SH3PXD2A: variants seen among roughly 807,000 people sequenced by gnomAD.
The protein encoded by SH3PXD2A is SH3 and PX domain-containing protein 2A.
A neutral mutation model predicts 115.2 loss-of-function variants in SH3PXD2A; 32 were observed. The observed-to-expected ratio is 0.28, with a 90% CI of 0.21 to 0.37. The LOEUF (loss-of-function observed/expected upper bound fraction) is 0.37, where lower values mean the gene tolerates loss of function less well. Among genes scored for constraint, SH3PXD2A ranks in the 10% least tolerant of loss-of-function variants. SH3PXD2A has a pLI of 1.00. For missense variants in SH3PXD2A, 1,328 were observed against 1,498.7 expected (o/e 0.89, Z 1.88); for synonymous variants, 610 against 629.1 (o/e 0.97, Z 0.45).
At chr10:103,605,985 G>T in intron 13 of SH3PXD2A, 68 bp from the exon 14 acceptor site, 1 of 1,576,004 alleles carries the variant, frequency 6.3e-7, no homozygotes, top group African/African-American at 1.3e-5. Context: ...CCAAGGGTTG[G>T]TCCCCACTCA....
At chr10:103,821,685 C>G (rs1377285833) in intron 1 of SH3PXD2A, among the ~76,000 whole-genome samples, 1 of 151,850 alleles carries the variant, frequency 6.6e-6, no homozygotes, top group Non-Finnish European at 1.5e-5. Context: ...CCCTGCCCCC[C>G]ACCACCAGTA....
At chr10:103,724,228 A>G (rs761808531) in intron 5 of SH3PXD2A, 42 bp downstream of exon 5, 3 of 1,177,554 alleles carry the variant, frequency 2.5e-6, no homozygotes, top group Non-Finnish European at 3.5e-6. Context: ...GCTTTAGCCC[A>G]CGCCTCCCCA....
At chr10:103,846,175 T>C (rs993246934) in intron 1 of SH3PXD2A, among the ~76,000 whole-genome samples, 2 of 152,194 alleles carry the variant, frequency 1.3e-5, no homozygotes, top group Non-Finnish European at 2.9e-5. Context: ...GGTGGCTTCC[T>C]CGCCAGCCAA....
At chr10:103,650,386 C>T (rs1032346837) in intron 8 of SH3PXD2A, among the ~76,000 whole-genome samples, 3 of 152,240 alleles carry the variant, frequency 2.0e-5, no homozygotes, top group Non-Finnish European at 4.4e-5. Context: ...CGCTATCCCT[C>T]AGCCCCTCAG....
intron 7 of SH3PXD2A, among the ~76,000 whole-genome samples, chr10:103,661,392 G>C (rs973847805): frequency 2.0e-5 from 3 of 152,256 alleles, no homozygotes; most frequent in African/African-American, 7.2e-5. Context: ...GAGAGGCAGA[G>C]CGGAGGCGGA....
chr10:103,778,858 C>T (rs993182096), intron 2 of SH3PXD2A, among the ~76,000 whole-genome samples: 2 of 152,208 alleles, frequency 1.3e-5, no homozygotes, highest in African/African-American at 2.4e-5. Context: ...GGCTGTTGAG[C>T]TTTGTCCCAA....
At chr10:103,663,201 C>A (rs1337532987) in intron 7 of SH3PXD2A, among the ~76,000 whole-genome samples, 1 of 152,214 alleles carries the variant, frequency 6.6e-6, no homozygotes, top group Non-Finnish European at 1.5e-5. Context: ...TCCACACAGC[C>A]CCCTTGGTGC....
At chr10:103,827,248 G>A (rs143304385) in intron 1 of SH3PXD2A, among the ~76,000 whole-genome samples, 9 of 152,250 alleles carry the variant, frequency 5.9e-5, no homozygotes, top group African/African-American at 2.2e-4. Flanking sequence ...ACTTCTGGGC[G>A]GGGCTGGTGG....
rs529343155 is a variant in SH3PXD2A, at chr10:103,839,352, T to A, written c.72+15843A>T. On this transcript the variant is annotated intron_variant, in intron 1 of 14. Coordinates refer to ENST00000369774, the MANE Select transcript of SH3PXD2A (RefSeq NM_001394015.1). ...ATTGTGTCAGCTCTGAACATGCACA[T>A]GCGAAGGATTCTTTCAGGGGATGCT... Among the ~76,000 whole-genome samples the A allele has an allele frequency of 6.6e-5, 10 of 152,294 alleles. No individual in the cohort carries two copies. The South Asian group carries it at 2.1e-3, about 32-fold the overall frequency.
At chr10:103,777,223 C>T (rs1005518511) in intron 2 of SH3PXD2A, among the ~76,000 whole-genome samples, 2 of 152,248 alleles carry the variant, frequency 1.3e-5, no homozygotes, top group Non-Finnish European at 1.5e-5. Context: ...CCATACACAC[C>T]GGCTATTCTT....
At chr10:103,614,089 A>AAT (rs374141152) in intron 11 of SH3PXD2A, among the ~76,000 whole-genome samples, 2 of 101,004 alleles carry the variant, frequency 2.0e-5, no homozygotes, top group Non-Finnish European at 4.2e-5. Context: ...CCAAAAAAAA[A>AAT]TTTTTTTTTT....
chr10:103,701,072 A>AC (rs2037890533), intron 5 of SH3PXD2A, among the ~76,000 whole-genome samples: 1 of 53,096 alleles, frequency 1.9e-5, no homozygotes. Flanking sequence ...TCATCCATCC[A>AC]TCCATCCATC....
chr10:103,850,878 C>T (rs1374822897), intron 1 of SH3PXD2A, among the ~76,000 whole-genome samples: 2 of 152,058 alleles, frequency 1.3e-5, no homozygotes, highest in Non-Finnish European at 2.9e-5. Flanking sequence ...TGGTGCATGT[C>T]CATGGTGAGG....
At chr10:103,689,493 T>C (rs2037720681) in intron 6 of SH3PXD2A, among the ~76,000 whole-genome samples, 1 of 152,026 alleles carries the variant, frequency 6.6e-6, no homozygotes, top group Admixed American at 6.6e-5. Flanking sequence ...GGTGAAACCT[T>C]GTCTCTACTA....
At chr10:103,848,092 C>T (rs921261745) in intron 1 of SH3PXD2A, among the ~76,000 whole-genome samples, 5 of 152,194 alleles carry the variant, frequency 3.3e-5, no homozygotes, top group African/African-American at 4.8e-5. Context: ...CGCATTCTCG[C>T]TCTTGCCACT....
intron 2 of SH3PXD2A, among the ~76,000 whole-genome samples, chr10:103,777,780 T>C (rs1469223476): frequency 6.6e-6 from 1 of 152,136 alleles, no homozygotes; most frequent in Non-Finnish European, 1.5e-5. Flanking sequence ...CAGAGGAGGA[T>C]TCCAGTTCTA....
intron 5 of SH3PXD2A, among the ~76,000 whole-genome samples, chr10:103,694,185 T>C (rs1336859060): frequency 6.7e-6 from 1 of 150,068 alleles, no homozygotes; most frequent in East Asian, 2.0e-4. Flanking sequence ...GGAAATGCCT[T>C]CCATTTTCCC....
intron 2 of SH3PXD2A, among the ~76,000 whole-genome samples, chr10:103,799,191 A>G (rs183399466): frequency 1.5e-3 from 223 of 152,272 alleles, no homozygotes; most frequent in African/African-American, 5.1e-3. Flanking sequence ...CAGGGACATG[A>G]GTTCTGAGGT....
chr10:103,727,804 T>C (rs1374380628), intron 4 of SH3PXD2A, among the ~76,000 whole-genome samples: 1 of 152,208 alleles, frequency 6.6e-6, no homozygotes, highest in Admixed American at 6.5e-5. Context: ...GGGAGCCGCG[T>C]GGAGGGCTCG....
Sources: allele counts gnomAD v4.1 joint callset (sites outside exome capture counted in the v4.1 genomes callset), GRCh38; gene constraint gnomAD v4.1.1; transcripts MANE v1.5; gene names NCBI Gene and HGNC (gene_info 2026-07-23, HGNC 2026-07-21).